Variants in SGCZ observed in about 807,000 individuals in gnomAD.
The protein encoded by SGCZ is sarcoglycan zeta, also known as zeta-sarcoglycan.
Under a neutral mutation model 41.3 loss-of-function variants are expected in SGCZ, and 40 were observed. That is an observed-to-expected ratio of 0.97 (90% CI 0.75 to 1.26). The LOEUF is 1.26. Ranked by LOEUF, SGCZ falls within the 50% of genes most tolerant of loss-of-function variation. SGCZ has a pLI of 0.00. For missense variants in SGCZ, 552 were observed against 369.8 expected, an observed-to-expected ratio of 1.49 and a Z score of -4.04; for synonymous variants, 206 against 137.5, an observed-to-expected ratio of 1.50 and a Z score of -3.49.
intron 2 of SGCZ, among the ~76,000 whole-genome samples, chr8:14,370,730 T>C (rs1175779643): frequency 6.6e-6 from 1 of 151,968 alleles, no homozygotes; most frequent in African/African-American, 2.4e-5. Flanking sequence ...TTCTGTCTAA[T>C]GAGTAAGCAG....
At chr8:14,136,812 T>A (rs907191444) in intron 5 of SGCZ, among the ~76,000 whole-genome samples, 1 of 152,178 alleles carries the variant, frequency 6.6e-6, no homozygotes, top group Non-Finnish European at 1.5e-5. Context: ...TCTCCCACCA[T>A]GGAGTTTGAG....
intron 1 of SGCZ, among the ~76,000 whole-genome samples, chr8:14,925,244 G>A (rs760841009): frequency 5.9e-5 from 9 of 152,044 alleles, no homozygotes; most frequent in Non-Finnish European, 8.8e-5. Context: ...TCTTAATATG[G>A]TCTCTATCAC....
intron 2 of SGCZ, among the ~76,000 whole-genome samples, chr8:14,447,182 T>C (rs1364297801): frequency 6.6e-6 from 1 of 152,174 alleles, no homozygotes; most frequent in African/African-American, 2.4e-5. Context: ...ACCAGTCTCA[T>C]GGAACAAAAA....
At chr8:14,140,028 A>C (rs1394245109) in intron 5 of SGCZ, among the ~76,000 whole-genome samples, 4 of 152,182 alleles carry the variant, frequency 2.6e-5, no homozygotes, top group African/African-American at 9.6e-5. Flanking sequence ...AGGCTGGTTC[A>C]ACATATGCAA....
chr8:14,371,658 A>G (rs1213738723), intron 2 of SGCZ, among the ~76,000 whole-genome samples: 2 of 152,096 alleles, frequency 1.3e-5, no homozygotes, highest in African/African-American at 4.8e-5. Context: ...TAATTAATCA[A>G]TCAAAAATCA....
intron 2 of SGCZ, among the ~76,000 whole-genome samples, chr8:14,334,739 G>A (rs182273141): frequency 1.1e-4 from 17 of 152,156 alleles, no homozygotes; most frequent in Admixed American, 6.5e-4. Flanking sequence ...CCATGAAAAC[G>A]AAGCCATCTG....
chr8:15,167,011 T>G (rs1463742439), intron 1 of SGCZ, among the ~76,000 whole-genome samples: 1 of 141,952 alleles, frequency 7.0e-6, no homozygotes, highest in Non-Finnish European at 1.5e-5. Context: ...TGCTGATTCT[T>G]GTTTTGTTTT....
chr8:14,318,708 G>C (rs1801808061), intron 3 of SGCZ, among the ~76,000 whole-genome samples: 1 of 151,906 alleles, frequency 6.6e-6, no homozygotes, highest in African/African-American at 2.4e-5. Flanking sequence ...CCTCAGAAGA[G>C]ACAGAACAGT....
chr8:14,474,014 T>C (rs2116985734), intron 2 of SGCZ, among the ~76,000 whole-genome samples: 1 of 151,976 alleles, frequency 6.6e-6, no homozygotes, highest in South Asian at 2.1e-4. Flanking sequence ...AATTGCCAAA[T>C]TTTGCATAAG....
intron 2 of SGCZ, among the ~76,000 whole-genome samples, chr8:14,543,794 C>G (rs1360364563): frequency 6.6e-6 from 1 of 152,152 alleles, no homozygotes; most frequent in Admixed American, 6.6e-5. Context: ...AAATTACACA[C>G]AAGTACCATA....
intron 1 of SGCZ, among the ~76,000 whole-genome samples, chr8:14,955,347 C>T (rs891808543): frequency 2.6e-5 from 4 of 152,142 alleles, no homozygotes; most frequent in African/African-American, 4.8e-5. Flanking sequence ...CTTCCAAACA[C>T]GACTGGAGAT....
chr8:14,785,394 G>A (rs2253458), intron 1 of SGCZ, among the ~76,000 whole-genome samples: 114,747 of 151,968 alleles, frequency 0.76, 44,085 homozygotes, highest in African/African-American at 0.9. Flanking sequence ...AGGAAACTCT[G>A]AAATCTGTAT....
chr8:15,115,461 C>G (rs1411708437), intron 1 of SGCZ, among the ~76,000 whole-genome samples: 1 of 152,090 alleles, frequency 6.6e-6, no homozygotes, highest in Non-Finnish European at 1.5e-5. Flanking sequence ...TCCTGAGAGT[C>G]CAGAAACTCA....
intron 1 of SGCZ, among the ~76,000 whole-genome samples, chr8:14,876,769 T>A (rs148695496): frequency 6.6e-6 from 1 of 152,026 alleles, no homozygotes; most frequent in East Asian, 1.9e-4. Context: ...TATCAAGAAT[T>A]AGGAAGGAGA....
intron 1 of SGCZ, among the ~76,000 whole-genome samples, chr8:14,807,664 T>C (rs1441287100): frequency 1.3e-5 from 2 of 151,556 alleles, no homozygotes; most frequent in African/African-American, 4.9e-5. Context: ...CCCAAGGTAA[T>C]TTACAGATTC....
chr8:14,907,671 G>A (rs997334385), intron 1 of SGCZ, among the ~76,000 whole-genome samples: 12 of 152,178 alleles, frequency 7.9e-5, no homozygotes, highest in South Asian at 2.1e-4. Flanking sequence ...GTAAGACCCT[G>A]ACTCAAAAAA....
chr8:14,709,438 A>G (rs1441092383), intron 1 of SGCZ, among the ~76,000 whole-genome samples: 2 of 152,186 alleles, frequency 1.3e-5, no homozygotes, highest in African/African-American at 4.8e-5. Context: ...TGAAAGCTCA[A>G]TTACTCTTAC....
chr8:14,803,117 T>C (rs1801381110), intron 1 of SGCZ, among the ~76,000 whole-genome samples: 1 of 152,192 alleles, frequency 6.6e-6, no homozygotes, highest in Non-Finnish European at 1.5e-5. Context: ...GACCATGACA[T>C]ATATGTTAAG....
Position 15,126,003 on chromosome 8 carries a change from G to A in SGCZ, c.39+111582C>T, listed in dbSNP as rs192934669. On this transcript the variant is annotated intron_variant, in intron 1 of 7. Transcript: ENST00000382080. ...TCCACTAAAAATACAAAAATTAGCC[G>A]GGCGTGCTAGTGCGCACCTGTACTC... Among the ~76,000 whole-genome samples, 843 of 152,146 alleles carry A rather than the reference G, an allele frequency of 5.5e-3. 7 individuals are homozygous for A. Among genetic ancestry groups the A allele is most frequent in the Non-Finnish European group, 9.1e-3 (622 of 67,990 alleles).
Sources: allele counts gnomAD v4.1 joint callset (sites outside exome capture counted in the v4.1 genomes callset), GRCh38; gene constraint gnomAD v4.1.1; transcripts MANE v1.5; gene names NCBI Gene and HGNC (gene_info 2026-07-23, HGNC 2026-07-21).